STK33: variants seen among roughly 807,000 people sequenced by gnomAD.
The protein encoded by STK33 is serine/threonine-protein kinase 33.
A neutral mutation model predicts 58.0 loss-of-function variants in STK33; 52 were observed. The ratio of observed to expected loss-of-function variants is 0.90; its 90% CI spans 0.72 to 1.13. The LOEUF (loss-of-function observed/expected upper bound fraction) is 1.13, where lower values mean the gene tolerates loss of function less well. Ranked by LOEUF, STK33 falls within the 50% of genes most tolerant of loss-of-function variation. The pLI, the probability that STK33 is intolerant of heterozygous loss-of-function variation, is 0.00. For synonymous variants in STK33, 215 were observed against 200.1 expected, an observed-to-expected ratio of 1.07 and a Z score of -0.63; for missense variants, 630 against 604.2, an observed-to-expected ratio of 1.04 and a Z score of -0.45.
the STK33 span, among the ~76,000 whole-genome samples, chr11:8,364,925 T>C: frequency 1.3e-5 from 2 of 152,036 alleles, no homozygotes; most frequent in East Asian, 3.9e-4. Flanking sequence ...AATTATTTCA[T>C]GTGACCCCCC....
intron 14 of STK33, among the ~76,000 whole-genome samples, chr11:8,430,080 T>C (rs1271809051): frequency 6.6e-6 from 1 of 152,158 alleles, no homozygotes; most frequent in Non-Finnish European, 1.5e-5. Flanking sequence ...TGCCTTTCAG[T>C]AGTAAGTCAT....
At chr11:8,364,935 C>G in the STK33 span, among the ~76,000 whole-genome samples, 2 of 151,624 alleles carry the variant, frequency 1.3e-5, no homozygotes, top group African/African-American at 4.9e-5. Context: ...TGTGACCCCC[C>G]CCGCCCCGCC....
chr11:8,399,139 T>A, intron 15 of STK33, among the ~76,000 whole-genome samples: 1 of 152,192 alleles, frequency 6.6e-6, no homozygotes, highest in East Asian at 1.9e-4. Context: ...TACAGAACTT[T>A]CCACCCCAAA....
intron 11 of STK33, among the ~76,000 whole-genome samples, chr11:8,448,692 C>G (rs1221663777): frequency 6.6e-6 from 1 of 151,866 alleles, no homozygotes; most frequent in African/African-American, 2.4e-5. Context: ...AGAAGAAAAC[C>G]TAGGCAATAC....
chr11:8,339,687 G>A, the STK33 span, among the ~76,000 whole-genome samples: 4 of 152,242 alleles, frequency 2.6e-5, no homozygotes, highest in Non-Finnish European at 5.9e-5. Flanking sequence ...CTACAGCGGG[G>A]GCTGCAAGAG....
the STK33 span, among the ~76,000 whole-genome samples, chr11:8,362,641 T>C: frequency 2.4e-4 from 37 of 152,314 alleles, no homozygotes; most frequent in Non-Finnish European, 4.7e-4. Flanking sequence ...CAGACTCCAT[T>C]AGGGAGGCAC....
intron 1 of STK33, among the ~76,000 whole-genome samples, chr11:8,547,449 G>A (rs1272422647): frequency 6.6e-6 from 1 of 152,152 alleles, no homozygotes. Context: ...CCTGACCTCA[G>A]GTGATCTGCC....
chr11:8,442,887 A>C (rs1408873397), intron 11 of STK33, among the ~76,000 whole-genome samples: 1 of 152,220 alleles, frequency 6.6e-6, no homozygotes, highest in Admixed American at 6.5e-5. Flanking sequence ...TGTATGATTC[A>C]ATTTATATAA....
chr11:8,365,489 A>T, the STK33 span, among the ~76,000 whole-genome samples: 3 of 152,192 alleles, frequency 2.0e-5, no homozygotes, highest in Admixed American at 2.0e-4. Context: ...GCAGCCAGCC[A>T]TTCTGGGGGT....
intron 1 of STK33, among the ~76,000 whole-genome samples, chr11:8,550,105 A>G (rs1157971031): frequency 6.6e-6 from 1 of 152,206 alleles, no homozygotes; most frequent in African/African-American, 2.4e-5. Context: ...AAAGTTTTAT[A>G]TAACTATGTA....
At chr11:8,583,127 T>C (rs978113819) in intron 1 of STK33, among the ~76,000 whole-genome samples, 5 of 152,236 alleles carry the variant, frequency 3.3e-5, no homozygotes, top group Non-Finnish European at 7.3e-5. Context: ...TACGTAATTA[T>C]GTCATTCTTA....
chr11:8,569,845 T>C (rs903988324), intron 1 of STK33, among the ~76,000 whole-genome samples: 1 of 152,058 alleles, frequency 6.6e-6, no homozygotes, highest in Admixed American at 6.5e-5. Flanking sequence ...TGGTCTCAGC[T>C]ACTCGGGAGG....
At chr11:8,518,604 T>G (rs1953052794) in intron 1 of STK33, among the ~76,000 whole-genome samples, 1 of 152,170 alleles carries the variant, frequency 6.6e-6, no homozygotes, top group Non-Finnish European at 1.5e-5. Context: ...CCATCTCACA[T>G]GCAGAGACAC....
intron 11 of STK33, among the ~76,000 whole-genome samples, chr11:8,444,112 G>C (rs955894457): frequency 2.0e-5 from 3 of 152,248 alleles, no homozygotes; most frequent in South Asian, 4.1e-4. Context: ...ATAACAATTA[G>C]ATATGAGCTG....
chr11:8,454,635 T>C (rs1946633272), intron 10 of STK33, 109 bp downstream of exon 10: 2 of 1,317,990 alleles, frequency 1.5e-6, no homozygotes, highest in South Asian at 1.5e-5. Context: ...AGCCACTTAT[T>C]TTCTGGCTGC....
chr11:8,521,147 AC>A (rs1224956634), intron 1 of STK33, among the ~76,000 whole-genome samples: 1 of 152,048 alleles, frequency 6.6e-6, no homozygotes, highest in Admixed American at 6.6e-5. Flanking sequence ...TCATATGGAA[AC>A]AAAAAAGAGC....
intron 1 of STK33, among the ~76,000 whole-genome samples, chr11:8,528,353 A>G (rs537612279): frequency 1.5e-3 from 236 of 152,350 alleles, no homozygotes; most frequent in African/African-American, 5.1e-3. Flanking sequence ...ACAAAAAACA[A>G]TGTATAGCCA....
intron 1 of STK33, among the ~76,000 whole-genome samples, chr11:8,584,639 C>T (rs1438280742): frequency 6.6e-6 from 1 of 152,150 alleles, no homozygotes; most frequent in Non-Finnish European, 1.5e-5. Flanking sequence ...TAGGCGCCTT[C>T]CTCCTTATGC....
chr11:8,446,967 T>A (rs1196602946), intron 11 of STK33, among the ~76,000 whole-genome samples: 1 of 152,044 alleles, frequency 6.6e-6, no homozygotes, highest in Non-Finnish European at 1.5e-5. Flanking sequence ...AATTGACAAA[T>A]GGGATCTAAT....
Sources: allele counts gnomAD v4.1 joint callset (sites outside exome capture counted in the v4.1 genomes callset), GRCh38; gene constraint gnomAD v4.1.1; transcripts MANE v1.5; gene names NCBI Gene and HGNC (gene_info 2026-07-23, HGNC 2026-07-21).